The following PTPRZ1 variants were observed in gnomAD, a reference collection of about 807,000 sequenced individuals.
PTPRZ1 encodes protein tyrosine phosphatase receptor type Z1.
PTPRZ1 carries 82 observed loss-of-function variants against 214.1 expected under a neutral mutation model. The observed-to-expected ratio is 0.38, with a 90% CI of 0.32 to 0.46. PTPRZ1 has a LOEUF of 0.46. Among genes scored for constraint, PTPRZ1 ranks in the 20% least tolerant of loss-of-function variants. The probability of loss-of-function intolerance (pLI) is 1.00; values close to 1 mark genes in which losing one functional copy is unlikely to be tolerated. For synonymous variants in PTPRZ1, 945 were observed against 987.9 expected (o/e 0.96, Z 0.81); for missense variants, 2,603 against 2,748.7 (o/e 0.95, Z 1.19).
intron 13 of PTPRZ1, among the ~76,000 whole-genome samples, chr7:122,021,727 A>C (rs1799021868): frequency 6.6e-6 from 1 of 151,386 alleles, no homozygotes; most frequent in African/African-American, 2.4e-5. Flanking sequence ...GCGACAAAGT[A>C]AGACACTGTC....
intron 3 of PTPRZ1, among the ~76,000 whole-genome samples, chr7:121,971,357 A>G (rs761254727): frequency 2.6e-5 from 4 of 152,226 alleles, no homozygotes; most frequent in Non-Finnish European, 5.9e-5. Flanking sequence ...TTTATAAATA[A>G]GATCCCAAAC....
Position 122,046,854 on chromosome 7 carries a change from G to T in PTPRZ1, c.6084+2286G>T, listed in dbSNP as rs931344517. 7.9e-5 allele frequency among the ~76,000 whole-genome samples: 12 copies of T among 152,114 alleles called. No homozygotes were observed. The South Asian group carries it at 8.3e-4, about 11-fold the overall frequency. ...CTGGCCTGAAGAAATGGATTTGGGA[G>T]TGATCAGCGTAGAGATGGTTCCTTG... On this transcript the variant is annotated intron_variant, in intron 23 of 29. Transcript: ENST00000393386.
chr7:121,991,287 C>T (rs1410921389), intron 8 of PTPRZ1, among the ~76,000 whole-genome samples: 1 of 152,140 alleles, frequency 6.6e-6, no homozygotes, highest in African/African-American at 2.4e-5. Flanking sequence ...GCCAAGATAT[C>T]ACAGTGAGTA....
At chr7:121,937,555 A>G (rs896187692) in intron 2 of PTPRZ1, among the ~76,000 whole-genome samples, 1 of 152,136 alleles carries the variant, frequency 6.6e-6, no homozygotes, top group Non-Finnish European at 1.5e-5. Context: ...AGAGGCAGAA[A>G]TGAGAAGAGG....
chr7:121,897,772 G>A (rs749669626), intron 1 of PTPRZ1, among the ~76,000 whole-genome samples: 22 of 152,210 alleles, frequency 1.4e-4, no homozygotes, highest in Non-Finnish European at 2.8e-4. Flanking sequence ...ATATATTTAC[G>A]GCTCCATGGG....
chr7:121,937,164 GCAATTGCA>G (rs892330185), intron 2 of PTPRZ1, among the ~76,000 whole-genome samples: 17 of 152,206 alleles, frequency 1.1e-4, no homozygotes, highest in African/African-American at 3.6e-4. Flanking sequence ...GCATAATTGT[GCAATTGCA>G]CAATTGCACA....
intron 1 of PTPRZ1, among the ~76,000 whole-genome samples, chr7:121,912,060 C>T (rs553732288): frequency 7.9e-5 from 12 of 152,192 alleles, no homozygotes; most frequent in South Asian, 6.2e-4. Context: ...AACTAAGATT[C>T]TTTTATCCAT....
intron 8 of PTPRZ1, among the ~76,000 whole-genome samples, chr7:121,992,671 T>C (rs1798005501): frequency 2.6e-5 from 4 of 152,222 alleles, no homozygotes; most frequent in Admixed American, 2.6e-4. Context: ...TCGTTACATC[T>C]GAGAGCTTAC....
chr7:121,942,133 T>C (rs1400008765), intron 2 of PTPRZ1, among the ~76,000 whole-genome samples: 2 of 152,192 alleles, frequency 1.3e-5, no homozygotes, highest in African/African-American at 4.8e-5. Flanking sequence ...AGTATAGTTT[T>C]TAAAAAGTCA....
Position 121,877,952 on chromosome 7 carries a change from A to G in PTPRZ1, c.58+4395A>G, listed in dbSNP as rs749470866. ...TATATATGCATATACATAAAAGTGT[A>G]TATATATATATGTGTTTGTGTATAT... On this transcript the variant is annotated intron_variant, in intron 1 of 29. Coordinates refer to ENST00000393386, the MANE Select transcript of PTPRZ1 (RefSeq NM_002851.3). Among the ~76,000 whole-genome samples, 13 of 150,050 alleles carry G rather than the reference A, an allele frequency of 8.7e-5. No homozygotes were observed. The East Asian group carries it at 1.9e-3, about 22-fold the overall frequency.
At chr7:122,044,617 C>A (rs765541171) in intron 23 of PTPRZ1, 49 bp downstream of exon 23, 1 of 1,576,120 alleles carries the variant, frequency 6.3e-7, no homozygotes, top group African/African-American at 1.4e-5. Flanking sequence ...ACTGAATGTC[C>A]CTGCATCTTC....
chr7:122,017,175 A>G (rs1372530803), intron 12 of PTPRZ1, among the ~76,000 whole-genome samples: 1 of 152,222 alleles, frequency 6.6e-6, no homozygotes, highest in Non-Finnish European at 1.5e-5. Flanking sequence ...CAATAGTTAC[A>G]ATAGAAAAAA....
intron 2 of PTPRZ1, among the ~76,000 whole-genome samples, chr7:121,942,751 G>T (rs942468521): frequency 6.6e-6 from 1 of 152,056 alleles, no homozygotes. Flanking sequence ...ATCACTGCAA[G>T]GTGTTTATAT....
chr7:121,921,842 G>A (rs1795606217), intron 1 of PTPRZ1, among the ~76,000 whole-genome samples: 1 of 152,164 alleles, frequency 6.6e-6, no homozygotes, highest in South Asian at 2.1e-4. Context: ...GTGGTTAACA[G>A]TAAGTGCAAT....
At chr7:121,977,999 A>G (rs944070918) in intron 6 of PTPRZ1, among the ~76,000 whole-genome samples, 7 of 152,148 alleles carry the variant, frequency 4.6e-5, no homozygotes, top group African/African-American at 1.2e-4. Flanking sequence ...CAACTATGGG[A>G]CCTTTGAGAC....
rs145601872 is a variant in PTPRZ1 at position 122,022,220 on chromosome 7, G to A, written c.4988+2952G>A. On this transcript the variant is annotated intron_variant, in intron 13 of 29. Coordinates refer to ENST00000393386, the MANE Select transcript of PTPRZ1 (RefSeq NM_002851.3). ...ATATCATAAAACTCACCTTTTTAAA[G>A]TGTATGATTCAATGGTTTTTAAAGT... Among the ~76,000 whole-genome samples, 528 of 152,262 alleles carry A rather than the reference G, an allele frequency of 3.5e-3. 3 individuals carry two copies. The highest frequency in any genetic ancestry group is 0.012 in the African/African-American group (508 of 41,562).
intron 23 of PTPRZ1, 67 bp from the exon 24 acceptor site, chr7:122,051,355 ATGTATG>A: frequency 1.1e-6 from 1 of 945,580 alleles, no homozygotes. Context: ...GTGTGTCTGT[ATGTATG>A]TGTGTGTGTG....
At chr7:121,955,267 C>G (rs929763997) in intron 2 of PTPRZ1, among the ~76,000 whole-genome samples, 3 of 152,158 alleles carry the variant, frequency 2.0e-5, no homozygotes, top group Non-Finnish European at 4.4e-5. Flanking sequence ...TTCCATTGCA[C>G]TGCTATTTCT....
intron 23 of PTPRZ1, among the ~76,000 whole-genome samples, 165 bp downstream of exon 23, chr7:122,044,733 T>A (rs1156347942): frequency 6.6e-6 from 1 of 152,092 alleles, no homozygotes; most frequent in African/African-American, 2.4e-5. Context: ...ACATGGTAAA[T>A]TTCAAGGAGA....
Sources: gnomAD v4.1 joint callset for allele counts (sites outside exome capture counted in the v4.1 genomes callset) on GRCh38, gnomAD v4.1.1 for gene constraint, MANE v1.5 for transcripts, NCBI Gene and HGNC (gene_info 2026-07-23, HGNC 2026-07-21) for gene names.